MATK: variants seen among roughly 807,000 people sequenced by gnomAD.
MATK encodes the protein megakaryocyte-associated tyrosine kinase, also known as megakaryocyte-associated tyrosine-protein kinase.
MATK carries 41 observed loss-of-function variants against 59.8 expected under a neutral mutation model. The observed-to-expected ratio is 0.69, with a 90% CI of 0.53 to 0.89. The LOEUF (loss-of-function observed/expected upper bound fraction) is 0.89. MATK is among the 40% of genes least tolerant of loss of function. The probability of loss-of-function intolerance (pLI) is 0.00; values close to 1 mark genes in which losing one functional copy is unlikely to be tolerated. For synonymous variants in MATK, 308 were observed against 306.1 expected, an observed-to-expected ratio of 1.01 and a Z score of -0.06; for missense variants, 593 against 719.6, an observed-to-expected ratio of 0.82 and a Z score of 2.01.
Position 3,786,153 on chromosome 19 carries a change from C to A in MATK, c.-152+16G>T, listed in dbSNP as rs2037480823. ...GGCCTCGGGGTCTCTCCACGTCTCC[C>A]CGCCGACGTGCTCACCTGCTCAGGG... On this transcript the variant is annotated intron_variant, in intron 1 of 13. Coordinates refer to ENST00000310132, the MANE Select transcript of MATK (RefSeq NM_139355.3). This position sits in a 1 kb window ranked among gnomAD's most constrained non-coding sequence, Gnocchi z 4.1. The A allele has an allele frequency of 1.5e-5, 15 of 970,692 alleles. No individual in the cohort carries two copies. Among genetic ancestry groups the A allele is most frequent in the Non-Finnish European group, 1.8e-5 (15 of 816,648 alleles). 60.1% of individuals were successfully genotyped at this position (970,692 alleles called of 1,614,324 possible).
chr19:3,791,292 C>CTTCT (rs2037538742), upstream of MATK, among the ~76,000 whole-genome samples: 1 of 151,948 alleles, frequency 6.6e-6, no homozygotes, highest in Non-Finnish European at 1.5e-5. Context: ...CGGCACCAGG[C>CTTCT]TTCTGTCCTT....
intron 1 of MATK, among the ~76,000 whole-genome samples, chr19:3,795,559 T>C (rs1046419792): frequency 1.3e-5 from 2 of 151,176 alleles, no homozygotes; most frequent in African/African-American, 4.9e-5. Flanking sequence ...TGAGCCACCA[T>C]GCCCGGCCTC....
At position 3,794,975 on chromosome 19, in the gene MATK, CTTTTTTTTTTT is replaced by C. The variant is rs532158792; in HGVS notation, c.-57-5582_-57-5572del. On this transcript the variant is annotated intron_variant, in intron 1 of 13. Transcript: ENST00000395045. ...TTCATATTACTTTTCTTTTCTTTTG[CTTTTTTTTTTT>C]TTTTTTTTTGAGCTGGAGTCTCGCT... Among the ~76,000 whole-genome samples, 139 of 107,890 alleles carry C rather than the reference CTTTTTTTTTTT, an allele frequency of 1.3e-3. 1 individual carries two copies. Among genetic ancestry groups the C allele is most frequent in the Non-Finnish European group, 2.0e-3 (107 of 54,376 alleles). The allele number at this position is 107,890 out of a possible 152,430, so 70.8% of individuals were successfully genotyped here.
At chr19:3,781,976 C>A (rs1383578025) in intron 7 of MATK, among the ~76,000 whole-genome samples, 1 of 152,150 alleles carries the variant, frequency 6.6e-6, no homozygotes, top group Non-Finnish European at 1.5e-5. Flanking sequence ...ACCCTCAGAC[C>A]CCACACTTGC....
At position 3,784,170 on chromosome 19, in the gene MATK, G is replaced by T. The variant is rs781322838; in HGVS notation, c.316C>A (p.Arg106=). Residue 106 remains arginine (R), a synonymous_variant, in exon 5 of 14, where the codon CGG becomes AGG. Transcript: ENST00000310132. ...QEGLLAAGAL[R]EREALSADPK... ...TCTGCGGAGAGGGCCTCCCGCTCCC[G>T]CAGCGCCCCAGCTGCCAGCAGCCCC... The T allele has an allele frequency of 3.1e-6, 5 of 1,613,268 alleles. No homozygotes were observed. Among genetic ancestry groups the T allele is most frequent in the Admixed American group, 1.7e-5 (1 of 59,978 alleles).
At chr19:3,778,942 A>G (rs369916435) in intron 12 of MATK, 50 bp downstream of exon 12, 4 of 1,488,014 alleles carry the variant, frequency 2.7e-6, no homozygotes, top group African/African-American at 2.8e-5. Flanking sequence ...GTCATACAGC[A>G]GAGCTGGGGG....
At chr19:3,792,306 T>C (rs2037550400) in intron 1 of MATK, among the ~76,000 whole-genome samples, 1 of 151,948 alleles carries the variant, frequency 6.6e-6, no homozygotes, top group Non-Finnish European at 1.5e-5. Context: ...GCAATAAACA[T>C]AGTAGGTGAT....
At chr19:3,779,304 G>A in intron 11 of MATK, 74 bp downstream of exon 11, 1 of 1,585,098 alleles carries the variant, frequency 6.3e-7, no homozygotes, top group South Asian at 1.1e-5. Flanking sequence ...CCGTGCCTCA[G>A]TTTCCCCTTG....
At chr19:3,779,253 T>G in intron 11 of MATK, 66 bp from the exon 12 acceptor site, 1 of 1,545,004 alleles carries the variant, frequency 6.5e-7, no homozygotes, top group South Asian at 1.2e-5. Context: ...CTCAGAAAGC[T>G]CGGGGTGCCT....
chr19:3,786,352 G>T lies in MATK; in HGVS notation c.-335C>A, dbSNP rs974614609. The T allele has an allele frequency of 3.1e-6, 3 of 983,422 alleles. No individual in the cohort carries two copies. The highest frequency in any genetic ancestry group is 3.6e-6 in the Non-Finnish European group (3 of 829,164). 60.9% of individuals were successfully genotyped at this position (983,422 alleles called of 1,614,324 possible). On this transcript the variant is annotated 5_prime_UTR_variant, in exon 1 of 14. Transcript: ENST00000310132. The surrounding 1 kb of genome is among the most constrained non-coding windows in gnomAD (Gnocchi z 4.1). ...AGCGGGAGGCGCCGCGGCCTGGGAG[G>T]CCCCCGCGGGTCCTAGCGCCGGCCG...
At chr19:3,800,354 C>T (rs759850219) in intron 1 of MATK, among the ~76,000 whole-genome samples, 3 of 151,888 alleles carry the variant, frequency 2.0e-5, no homozygotes, top group South Asian at 2.1e-4. Context: ...GATGGCCGGG[C>T]GTGGTGGCTC....
At chr19:3,792,400 GCTT>G (rs1432249161) in intron 1 of MATK, among the ~76,000 whole-genome samples, 6 of 152,138 alleles carry the variant, frequency 3.9e-5, no homozygotes, top group Non-Finnish European at 7.4e-5. Context: ...AACGCTAGAG[GCTT>G]GAAATTGATA....
chr19:3,779,942 T>C, intron 8 of MATK, 145 bp from the exon 9 acceptor site: 1 of 648,842 alleles, frequency 1.5e-6, no homozygotes, highest in Non-Finnish European at 2.8e-6. Context: ...ACAGACCCCA[T>C]GCTCCTCACC....
intron 1 of MATK, among the ~76,000 whole-genome samples, chr19:3,797,885 T>C (rs1406834748): frequency 6.6e-6 from 1 of 151,716 alleles, no homozygotes; most frequent in East Asian, 1.9e-4. Context: ...CTACTAAATA[T>C]ACAAAAATTA....
At chr19:3,796,815 C>T (rs900036642) in intron 1 of MATK, among the ~76,000 whole-genome samples, 3 of 152,182 alleles carry the variant, frequency 2.0e-5, no homozygotes, top group Admixed American at 2.0e-4. Flanking sequence ...TCCTCCTACT[C>T]TCCTGGGTAA....
rs1309400478 is a variant in MATK, at chr19:3,786,032, G to A, written c.-152+137C>T. The A allele has an allele frequency of 4.5e-5, 11 of 242,010 alleles. No homozygotes were observed. The highest frequency in any genetic ancestry group is 6.0e-5 in the Non-Finnish European group (9 of 150,634). The allele number at this position is 242,010 out of a possible 1,614,324, so 15.0% of individuals were successfully genotyped here. The stretch of plus-strand genomic sequence containing the variant: ...TCCGCCCCAGCCGCGCACCCGCTGC[G>A]CGCCCGGGACGCGCACACTCGCGCA... On this transcript the variant is annotated intron_variant, in intron 1 of 13. Transcript: ENST00000310132. This position sits in a 1 kb window ranked among gnomAD's most constrained non-coding sequence, Gnocchi z 4.1.
chr19:3,789,414 AATG>A (rs1471227236), upstream of MATK: 6 of 671,234 alleles, frequency 8.9e-6, no homozygotes, highest in East Asian at 1.1e-4. Flanking sequence ...TCTGCAAATC[AATG>A]ATATTAGTGT....
At position 3,785,196 on chromosome 19, in the gene MATK, G is replaced by T; in HGVS notation, c.-61C>A. ...CACTGAGCAAGTGGTCACAGTCGGGGACGCTGGGAATGGCCTGCCACAGGC... is the reference window on the plus strand; with the variant it reads ...CACTGAGCAAGTGGTCACAGTCGGGTACGCTGGGAATGGCCTGCCACAGGC... On this transcript the variant is annotated 5_prime_UTR_variant, in exon 2 of 14. Coordinates refer to ENST00000310132, the MANE Select transcript of MATK (RefSeq NM_139355.3). The T allele has an allele frequency of 5.6e-6, 9 of 1,610,822 alleles. No homozygotes were observed. Among genetic ancestry groups the T allele is most frequent in the Non-Finnish European group, 7.6e-6 (9 of 1,179,088 alleles).
rs763036889 is a variant in MATK, at chr19:3,779,050, C to T, written c.1139G>A (p.Gly380Glu). The T allele has an allele frequency of 6.2e-7, 1 of 1,604,798 alleles. No individual in the cohort carries two copies. Among genetic ancestry groups the T allele is most frequent in the Non-Finnish European group, 8.5e-7 (1 of 1,177,812 alleles). ...GACGGGCAGCCGGCTTGAGTCTAGC[C>T]CCTTCCGCTCGGCTTTGGCCAGGCC... ...DFGLAKAERK[G>E]LDSSRLPVKW... The change falls in exon 12 of 14, where the codon GGG becomes GAG. Residue 380 changes from glycine (G) to glutamate (E), a missense_variant. Coordinates refer to ENST00000310132, the MANE Select transcript of MATK (RefSeq NM_139355.3).
Sources: gnomAD v4.1 joint callset for allele counts (sites outside exome capture counted in the v4.1 genomes callset) on GRCh38, gnomAD v4.1.1 for gene constraint, Gnocchi (gnomAD v3.1) non-coding constraint, MANE v1.5 for transcripts, NCBI Gene and HGNC (gene_info 2026-07-23, HGNC 2026-07-21) for gene names.